Variants in COL21A1 observed in about 807,000 individuals in gnomAD.
COL21A1 encodes collagen alpha-1(XXI) chain.
Under a neutral mutation model 137.9 loss-of-function variants are expected in COL21A1, and 149 were observed. The ratio of observed to expected loss-of-function variants is 1.08; its 90% CI spans 0.95 to 1.24. The LOEUF is 1.24. Ranked by LOEUF, COL21A1 falls within the 50% of genes most tolerant of loss-of-function variation. COL21A1 has a pLI of 0.00. For synonymous variants in COL21A1, 456 were observed against 391.5 expected (o/e 1.16, Z -1.95); for missense variants, 1,167 against 1,158.4 (o/e 1.01, Z -0.11).
At chr6:56,292,607 G>A (rs1468345546) in intron 1 of COL21A1, among the ~76,000 whole-genome samples, 5 of 152,158 alleles carry the variant, frequency 3.3e-5, no homozygotes, top group Admixed American at 2.6e-4. Flanking sequence ...CACCACAAGG[G>A]ATACCAGGTG....
At chr6:56,234,199 A>G (rs9357897) in intron 1 of COL21A1, among the ~76,000 whole-genome samples, 86,442 of 151,498 alleles carry the variant, frequency 0.57, 24,903 homozygotes, top group East Asian at 0.77. Context: ...GAAAAATTTG[A>G]AATTGTGTTT....
Position 56,101,481 on chromosome 6 carries a change from C to T in COL21A1, c.1803G>A (p.Arg601=). The T allele has an allele frequency of 1.3e-6, 2 of 1,594,904 alleles. No homozygotes were observed. The highest frequency in any genetic ancestry group is 1.7e-6 in the Non-Finnish European group (2 of 1,169,354). The change falls in exon 17 of 30, where the codon CGG becomes CGA. Residue 601 remains arginine (R), a synonymous_variant. Transcript: ENST00000244728. ...ATGAGAAGGTACTCACAGGCTCTCC[C>T]CGTGTTCCATCCTGCCCCGGAGCAC... The part of the protein sequence containing the change: ...SPGAPGQDGT[R]GEPGIPGFPG...
In COL21A1 at chr6:56,141,785, C is replaced by CT; in HGVS notation, c.1541dup (p.Asp516Ter). On this transcript the variant is annotated frameshift_variant and splice_region_variant, in exon 12 of 30. Transcript: ENST00000244728. LOFTEE classifies it high-confidence loss of function. The stretch of plus-strand genomic sequence containing the variant: ...TGATTGCATTTTTGTGTGTGTTTAC[C>CT]TTGTCACCATCTCGCCCTGGTTCTC... The CT allele has an allele frequency of 1.2e-6, 2 of 1,613,596 alleles. No individual in the cohort carries two copies.
intron 1 of COL21A1, among the ~76,000 whole-genome samples, chr6:56,296,044 T>C (rs1165792086): frequency 1.3e-5 from 2 of 151,994 alleles, no homozygotes; most frequent in Admixed American, 6.6e-5. Flanking sequence ...TTTCTCATCA[T>C]TAAGTATGAT....
intron 1 of COL21A1, among the ~76,000 whole-genome samples, chr6:56,327,756 C>T (rs1765129716): frequency 6.6e-6 from 1 of 152,064 alleles, no homozygotes. Context: ...TCCTGGGCAA[C>T]TCATTGTCCT....
intron 12 of COL21A1, among the ~76,000 whole-genome samples, chr6:56,130,777 G>A (rs1773497639): frequency 6.6e-6 from 1 of 152,002 alleles, no homozygotes; most frequent in African/African-American, 2.4e-5. Context: ...GAGAAAGAAG[G>A]AGAGAGCGAG....
intron 1 of COL21A1, among the ~76,000 whole-genome samples, chr6:56,301,987 T>C (rs1764307399): frequency 1.3e-5 from 2 of 152,158 alleles, no homozygotes; most frequent in African/African-American, 4.8e-5. Context: ...TGTTTGGTTT[T>C]TTGTCCTTGT....
At chr6:56,232,668 T>G (rs542477527) in intron 1 of COL21A1, among the ~76,000 whole-genome samples, 1 of 151,978 alleles carries the variant, frequency 6.6e-6, no homozygotes, top group Non-Finnish European at 1.5e-5. Context: ...AAGTGCAGTC[T>G]TAGAATTACA....
At chr6:56,305,332 G>A (rs1018781610) in intron 1 of COL21A1, among the ~76,000 whole-genome samples, 1 of 152,148 alleles carries the variant, frequency 6.6e-6, no homozygotes, top group African/African-American at 2.4e-5. Context: ...TGACAGTGGG[G>A]TGTTAAAGTC....
Position 56,179,795 on chromosome 6 carries a change from T to C in COL21A1, c.423A>G (p.Val141=). 1.2e-6 allele frequency: 2 copies of C among 1,613,956 alleles called. No homozygotes were observed. Among genetic ancestry groups the C allele is most frequent in the Non-Finnish European group, 1.7e-6 (2 of 1,179,842 alleles). ...SSRFLTKIAV[V]LTDGKSQDDV... Reference sequence around the variant, plus strand: ...CATCTTGGGATTTGCCATCCGTAAGTACCACTGCTATCTTAGTCAGAAATC... The same window carrying C: ...CATCTTGGGATTTGCCATCCGTAAGCACCACTGCTATCTTAGTCAGAAATC... Residue 141 remains valine, a synonymous_variant, in exon 3 of 30, where the codon GTA becomes GTG. Transcript: ENST00000244728.
At chr6:56,152,614 T>C (rs1775409949) in intron 10 of COL21A1, among the ~76,000 whole-genome samples, 1 of 152,122 alleles carries the variant, frequency 6.6e-6, no homozygotes, top group African/African-American at 2.4e-5. Context: ...CATAGAGTAA[T>C]ATCCATGAGT....
At chr6:56,123,905 T>C (rs1434098718) in intron 16 of COL21A1, among the ~76,000 whole-genome samples, 157 bp downstream of exon 16, 2 of 152,230 alleles carry the variant, frequency 1.3e-5, no homozygotes, top group Admixed American at 1.3e-4. Context: ...AGAAATTCAG[T>C]AGCATTTTTA....
At chr6:56,370,680 C>G (rs1766219605) in intron 1 of COL21A1, among the ~76,000 whole-genome samples, 1 of 152,194 alleles carries the variant, frequency 6.6e-6, no homozygotes, top group Non-Finnish European at 1.5e-5. Flanking sequence ...AAACATGAAT[C>G]AGTTGTAGCA....
Position 56,099,224 on chromosome 6 carries a change from A to AT in COL21A1, c.1812+2247dup, listed in dbSNP as rs765498868. Among the ~76,000 whole-genome samples, 614 of 111,992 alleles carry AT rather than the reference A, an allele frequency of 5.5e-3. 6 individuals carry two copies. The highest frequency in any genetic ancestry group is 8.4e-3 in the East Asian group (35 of 4,172). 73.5% of individuals were successfully genotyped at this position (111,992 alleles called of 152,430 possible). A position where few individuals can be genotyped will look rare whatever the true frequency, so the allele number is the denominator to read the frequency against. On this transcript the variant is annotated intron_variant, in intron 17 of 29. Transcript: ENST00000244728. ...CATTTAGAACACAGTCACAAACTAA[A>AT]TTTTTTTTTTTTTTTTTTTTTTTTT...
chr6:56,151,245 A>T (rs1340613176), intron 10 of COL21A1, among the ~76,000 whole-genome samples: 1 of 152,116 alleles, frequency 6.6e-6, no homozygotes, highest in African/African-American at 2.4e-5. Flanking sequence ...AAAACAAACA[A>T]ACAAAAAAAG....
At chr6:56,280,297 T>C (rs1763760690) in intron 1 of COL21A1, among the ~76,000 whole-genome samples, 1 of 152,164 alleles carries the variant, frequency 6.6e-6, no homozygotes, top group South Asian at 2.1e-4. Context: ...AGAAATAAGT[T>C]TGGATAGATG....
rs377190560 is a variant in COL21A1, at chr6:56,124,241, C to A, written c.1702G>T (p.Ala568Ser). 20 of 1,600,154 alleles carry A rather than the reference C, an allele frequency of 1.2e-5. No homozygotes were observed. In the African/African-American group the frequency reaches 2.3e-4, roughly 18 times the overall value. ...GAGCTTTTTTCTATCAAACTCACAG[C>A]AGGTCCAGGGAGGCCAGGGAAGCCA... Reference protein sequence around the residue: ...NAGFPGLPGPAGEPGRHGKDG... With the variant: ...NAGFPGLPGPSGEPGRHGKDG... The change falls in exon 15 of 30, where the codon GCT becomes TCT. Residue 568 changes from alanine to serine, a missense_variant and splice_region_variant. Transcript: ENST00000244728.
intron 13 of COL21A1, 97 bp from the exon 14 acceptor site, chr6:56,125,717 C>A: frequency 5.8e-6 from 4 of 686,700 alleles, no homozygotes; most frequent in South Asian, 3.3e-5. Context: ...TTTAATATGC[C>A]AAAAGCAAAA....
At chr6:56,357,897 G>C in intron 1 of COL21A1, among the ~76,000 whole-genome samples, 1 of 152,128 alleles carries the variant, frequency 6.6e-6, no homozygotes, top group East Asian at 1.9e-4. Context: ...AGTGAAACAA[G>C]AACCTCAACA....
Sources: allele counts gnomAD v4.1 joint callset (sites outside exome capture counted in the v4.1 genomes callset), GRCh38; gene constraint gnomAD v4.1.1; transcripts MANE v1.5; gene names NCBI Gene and HGNC (gene_info 2026-07-23, HGNC 2026-07-21).